The following TRERF1 variants were observed in gnomAD, a reference collection of about 807,000 sequenced individuals.
TRERF1 encodes transcriptional-regulating factor 1.
In TRERF1, 27 loss-of-function variants were observed where a neutral mutation model predicts 122.9. That is an observed-to-expected ratio of 0.22 (90% CI 0.16 to 0.30). The LOEUF (loss-of-function observed/expected upper bound fraction) is 0.30. Among genes scored for constraint, TRERF1 ranks in the 10% least tolerant of loss-of-function variants. The probability of loss-of-function intolerance (pLI) is 1.00; values close to 1 mark genes in which losing one functional copy is unlikely to be tolerated. For synonymous variants in TRERF1, 636 were observed against 641.7 expected (o/e 0.99, Z 0.13); for missense variants, 1,248 against 1,560.3 (o/e 0.80, Z 3.37).
intron 2 of TRERF1, among the ~76,000 whole-genome samples, chr6:42,422,861 T>C (rs1783003593): frequency 6.6e-6 from 1 of 151,782 alleles, no homozygotes; most frequent in Admixed American, 6.6e-5. Context: ...TTTTTTGAGA[T>C]GGAGTTTCGC....
At chr6:42,383,471 A>C (rs1027294516) in intron 2 of TRERF1, among the ~76,000 whole-genome samples, 4 of 151,670 alleles carry the variant, frequency 2.6e-5, no homozygotes, top group Admixed American at 1.3e-4. Flanking sequence ...ATTTGTGTCC[A>C]TCTCCCCACC....
At chr6:42,418,560 C>T (rs1018067281) in intron 2 of TRERF1, among the ~76,000 whole-genome samples, 7 of 152,036 alleles carry the variant, frequency 4.6e-5, no homozygotes, top group African/African-American at 1.7e-4. Flanking sequence ...CGTGAGCCAC[C>T]GTGCCTGGCC....
intron 3 of TRERF1, among the ~76,000 whole-genome samples, chr6:42,318,684 T>C (rs1360539166): frequency 6.6e-6 from 1 of 152,220 alleles, no homozygotes; most frequent in Non-Finnish European, 1.5e-5. Flanking sequence ...TATTAGAACA[T>C]AGCCACACCC....
At chr6:42,315,706 ACCC>A (rs367902405) in intron 3 of TRERF1, among the ~76,000 whole-genome samples, 2 of 118,606 alleles carry the variant, frequency 1.7e-5, no homozygotes, top group Admixed American at 1.6e-4. Flanking sequence ...GAGGAACACC[ACCC>A]CCCCCCCCAC....
intron 3 of TRERF1, among the ~76,000 whole-genome samples, chr6:42,336,809 G>A (rs1766277711): frequency 6.6e-6 from 1 of 152,182 alleles, no homozygotes; most frequent in African/African-American, 2.4e-5. Context: ...GCTTGGTGAA[G>A]CCTCACAGGC....
At chr6:42,384,379 G>C (rs1776441866) in intron 2 of TRERF1, among the ~76,000 whole-genome samples, 1 of 152,148 alleles carries the variant, frequency 6.6e-6, no homozygotes, top group Non-Finnish European at 1.5e-5. Flanking sequence ...TGCTAGGTAA[G>C]ACAAGCAAGC....
rs1023167155 is a variant in TRERF1, at chr6:42,306,485, T to C, written c.-370-5736A>G. Among the ~76,000 whole-genome samples, 4 of 152,116 alleles carry C rather than the reference T, an allele frequency of 2.6e-5. No homozygotes were observed. In the South Asian group the frequency reaches 8.3e-4, roughly 32 times the overall value. On this transcript the variant is annotated intron_variant, in intron 3 of 17. Transcript: ENST00000372922. ...GAAGCTTGGGCCTTTCACACCAATA[T>C]CAGAGCAGCTCAAACACTGACAGCA...
At chr6:42,344,123 C>T (rs747250257) in intron 3 of TRERF1, among the ~76,000 whole-genome samples, 1 of 152,204 alleles carries the variant, frequency 6.6e-6, no homozygotes, top group Non-Finnish European at 1.5e-5. Flanking sequence ...GGCAGGTGCT[C>T]CCAAGGACCG....
chr6:42,388,855 AAAAACAAAAC>A (rs933550564), intron 2 of TRERF1, among the ~76,000 whole-genome samples: 8 of 152,324 alleles, frequency 5.3e-5, no homozygotes, highest in African/African-American at 1.7e-4. Flanking sequence ...GATTAGAGAA[AAAAACAAAAC>A]AAAACAAAAC....
At chr6:42,434,681 C>G (rs968335560) in intron 2 of TRERF1, among the ~76,000 whole-genome samples, 5 of 150,696 alleles carry the variant, frequency 3.3e-5, no homozygotes, top group African/African-American at 9.9e-5. Context: ...CACACACACA[C>G]ACACACACAC....
At chr6:42,330,656 T>A (rs541371977) in intron 3 of TRERF1, among the ~76,000 whole-genome samples, 1 of 152,314 alleles carries the variant, frequency 6.6e-6, no homozygotes, top group African/African-American at 2.4e-5. Flanking sequence ...AGGATACTCA[T>A]GCAAACATTG....
chr6:42,361,200 G>A (rs1341238184), intron 3 of TRERF1, among the ~76,000 whole-genome samples: 1 of 152,188 alleles, frequency 6.6e-6, no homozygotes, highest in East Asian at 1.9e-4. Context: ...GACACAAGAA[G>A]TTGTCAGTCT....
chr6:42,409,275 CA>C, intron 2 of TRERF1, among the ~76,000 whole-genome samples: 1 of 152,000 alleles, frequency 6.6e-6, no homozygotes, highest in East Asian at 1.9e-4. Flanking sequence ...GACCCAGTCT[CA>C]AAATAAATAA....
At chr6:42,297,266 A>G (rs1014066102) in intron 4 of TRERF1, among the ~76,000 whole-genome samples, 4 of 152,224 alleles carry the variant, frequency 2.6e-5, no homozygotes, top group African/African-American at 9.7e-5. Flanking sequence ...AAGAACTAAT[A>G]TGCTGGATAC....
rs756216456 is a variant in TRERF1 at position 42,228,374 on chromosome 6, C to T, written c.3574G>A (p.Val1192Ile). The change falls in exon 18 of 18, where the codon GTC becomes ATC. Residue 1192 changes from valine (V) to isoleucine (I), a missense_variant. By Grantham distance (29) the Val-to-Ile change is conservative. Around this residue, in one of 5 missense-constraint regions of TRERF1, gnomAD observed 84 missense variants for 116.0 expected, o/e 0.72. Transcript: ENST00000372922. This position sits in a 1 kb window ranked among gnomAD's most constrained non-coding sequence, Gnocchi z 4.2. ...AGTTCTGCGTCACCCTGAAGCAAGA[C>T]TGAATCTTGATCATCCAAGAGAAGA... is the stretch of plus-strand genomic sequence containing the variant. The T allele has an allele frequency of 3.1e-6, 5 of 1,613,774 alleles. No homozygotes were observed. The African/African-American group carries it at 5.3e-5, about 17-fold the overall frequency.
chr6:42,371,994 C>A (rs1004769205), intron 2 of TRERF1, among the ~76,000 whole-genome samples: 1 of 152,020 alleles, frequency 6.6e-6, no homozygotes, highest in Admixed American at 6.5e-5. Flanking sequence ...TCAGCCTGGC[C>A]AACATGGTGA....
chr6:42,408,286 T>TACAC (rs1562153171), intron 2 of TRERF1, among the ~76,000 whole-genome samples: 2 of 138,998 alleles, frequency 1.4e-5, no homozygotes, highest in African/African-American at 5.5e-5. Context: ...TACATACACA[T>TACAC]GTGTGTGTAT....
At chr6:42,450,981 T>G (rs542484379) in intron 2 of TRERF1, among the ~76,000 whole-genome samples, 196 bp downstream of exon 2, 1 of 152,088 alleles carries the variant, frequency 6.6e-6, no homozygotes, top group Non-Finnish European at 1.5e-5. Flanking sequence ...CCCCCTTTGC[T>G]GGGATGCTGT....
intron 8 of TRERF1, among the ~76,000 whole-genome samples, chr6:42,262,427 C>G (rs1273617123): frequency 1.7e-5 from 1 of 57,338 alleles, no homozygotes; most frequent in Non-Finnish European, 3.6e-5. Flanking sequence ...CACAAATTCC[C>G]TAGGGGCAGA....
Sources: allele counts gnomAD v4.1 joint callset (sites outside exome capture counted in the v4.1 genomes callset), GRCh38; gene constraint gnomAD v4.1.1; regional missense constraint gnomAD v4.1.1; non-coding constraint Gnocchi (gnomAD v3.1); transcripts MANE v1.5; gene names NCBI Gene and HGNC (gene_info 2026-07-23, HGNC 2026-07-21).